PLEKHA6: variants seen among roughly 807,000 people sequenced by gnomAD.
The protein encoded by PLEKHA6 is pleckstrin homology domain containing A6.
PLEKHA6 carries 60 observed loss-of-function variants against 116.7 expected under a neutral mutation model. The observed-to-expected ratio is 0.51, with a 90% CI of 0.42 to 0.64. The LOEUF (loss-of-function observed/expected upper bound fraction) is 0.64, where lower values mean the gene tolerates loss of function less well. Among genes scored for constraint, PLEKHA6 ranks in the 30% least tolerant of loss-of-function variants. PLEKHA6 has a pLI of 0.00. For synonymous variants in PLEKHA6, 489 were observed against 556.1 expected, an observed-to-expected ratio of 0.88 and a Z score of 1.70; for missense variants, 1,338 against 1,422.7, an observed-to-expected ratio of 0.94 and a Z score of 0.96.
At chr1:204,256,102 G>T (rs1665250510) in intron 9 of PLEKHA6, among the ~76,000 whole-genome samples, 2 of 152,182 alleles carry the variant, frequency 1.3e-5, no homozygotes, top group South Asian at 4.1e-4. Context: ...ACAGAGAGGG[G>T]AAGGAGCAGC....
chr1:204,243,935 C>T (rs988278551), intron 15 of PLEKHA6, among the ~76,000 whole-genome samples: 2 of 152,250 alleles, frequency 1.3e-5, no homozygotes, highest in Non-Finnish European at 2.9e-5. Context: ...ATTCTCCTGG[C>T]TCAGCCTCCG....
intron 1 of PLEKHA6, among the ~76,000 whole-genome samples, chr1:204,373,244 A>G (rs895419750): frequency 2.0e-5 from 3 of 151,688 alleles, no homozygotes; most frequent in Non-Finnish European, 4.4e-5. Flanking sequence ...ATGCAACACC[A>G]CGCCTGGCTA....
chr1:204,239,758 GTTC>G (rs999211691), intron 17 of PLEKHA6, among the ~76,000 whole-genome samples: 2 of 152,172 alleles, frequency 1.3e-5, no homozygotes, highest in African/African-American at 4.8e-5. Flanking sequence ...CTGGTGCAAA[GTTC>G]TTCAGAAGGC....
At chr1:204,349,317 T>G (rs904751395) in intron 1 of PLEKHA6, among the ~76,000 whole-genome samples, 1 of 152,066 alleles carries the variant, frequency 6.6e-6, no homozygotes, top group African/African-American at 2.4e-5. Flanking sequence ...GGCGGGCGGA[T>G]CACTTGAGGT....
intron 1 of PLEKHA6, chr1:204,313,708 T>TA (rs1377538201): frequency 4.1e-6 from 4 of 985,296 alleles, no homozygotes; most frequent in Non-Finnish European, 3.6e-6. Flanking sequence ...ATTCTGCAGC[T>TA]AACCACCTTT....
chr1:204,322,526 A>G (rs1279545282), intron 1 of PLEKHA6, among the ~76,000 whole-genome samples: 1 of 152,204 alleles, frequency 6.6e-6, no homozygotes, highest in Non-Finnish European at 1.5e-5. Context: ...TGCCACCTTC[A>G]AAGTGCCATT....
At chr1:204,324,926 A>AT (rs1255635928) in intron 1 of PLEKHA6, among the ~76,000 whole-genome samples, 16 of 151,854 alleles carry the variant, frequency 1.1e-4, no homozygotes, top group African/African-American at 1.9e-4. Flanking sequence ...TTATTTATTT[A>AT]TTTATTTTTG....
intron 1 of PLEKHA6, among the ~76,000 whole-genome samples, chr1:204,298,625 C>T (rs1027887681): frequency 1.3e-5 from 2 of 152,122 alleles, no homozygotes; most frequent in Non-Finnish European, 2.9e-5. Context: ...ACTCTCTAGG[C>T]CAGACTCCCC....
At position 204,248,910 on chromosome 1, in the gene PLEKHA6, G is replaced by A. The variant is rs1664156433; in HGVS notation, c.1735C>T (p.Pro579Ser). The change falls in exon 12 of 23, where the codon CCC becomes TCC. Residue 579 changes from proline to serine, a missense_variant. By Grantham distance (74) the Pro-to-Ser change is moderately conservative. Around this residue, in one of 3 missense-constraint regions of PLEKHA6, gnomAD observed 1,136 missense variants for 1,163.6 expected, o/e 0.98. Transcript: ENST00000272203. Reference sequence around the variant, plus strand: ...TGTCGCAGCTTTTCTGGGTAGGCGGGCTGGCTTCCAAACATCTCCAGCTCC... The same window carrying A: ...TGTCGCAGCTTTTCTGGGTAGGCGGACTGGCTTCCAAACATCTCCAGCTCC... ...HQELEMFGSQPAYPEKLRHKK... is the reference protein window; with the variant it reads ...HQELEMFGSQSAYPEKLRHKK... 6.2e-7 allele frequency: 1 copy of A among 1,614,086 alleles called. No homozygotes were observed.
intron 3 of PLEKHA6, among the ~76,000 whole-genome samples, chr1:204,270,927 G>C (rs1667385466): frequency 6.6e-6 from 1 of 152,090 alleles, no homozygotes; most frequent in Non-Finnish European, 1.5e-5. Flanking sequence ...GTCTTCCCTT[G>C]GCCACTGTCA....
intron 1 of PLEKHA6, among the ~76,000 whole-genome samples, chr1:204,317,610 C>T (rs1011027575): frequency 1.3e-5 from 2 of 152,202 alleles, no homozygotes; most frequent in Non-Finnish European, 2.9e-5. Flanking sequence ...CAGAAGTTTT[C>T]CTCTAACTAC....
In PLEKHA6 at chr1:204,250,587, C is replaced by T. The variant is rs753978421; in HGVS notation, c.1552G>A (p.Asp518Asn). 5 of 1,613,070 alleles carry T rather than the reference C, an allele frequency of 3.1e-6. No individual in the cohort carries two copies. The South Asian group carries it at 4.4e-5, about 14-fold the overall frequency. ...KVPPYPEVFR[D>N]SLHTYKLNEQ... ...TTTAACTTGTAGGTGTGGAGGCTGT[C>T]CCGGAACACTTCTGGGTATGGAGGG... The change falls in exon 10 of 23, where the codon GAC becomes AAC. Residue 518 changes from aspartate (D) to asparagine (N), a missense_variant. Physicochemically the swap from Asp to Asn is conservative, Grantham distance 23. Around this residue, in one of 3 missense-constraint regions of PLEKHA6, gnomAD observed 1,136 missense variants for 1,163.6 expected, o/e 0.98. Transcript: ENST00000272203.
At position 204,338,483 on chromosome 1, in the gene PLEKHA6, G is replaced by A. The variant is rs181139127; in HGVS notation, c.-95+21211C>T. Among the ~76,000 whole-genome samples, 29 of 152,264 alleles carry A rather than the reference G, an allele frequency of 1.9e-4. No individual in the cohort carries two copies. The East Asian group carries it at 5.4e-3, about 28-fold the overall frequency. On this transcript the variant is annotated intron_variant, in intron 1 of 22. Coordinates refer to ENST00000272203, the MANE Select transcript of PLEKHA6 (RefSeq NM_014935.5). ...GCAGTCTCAAATGTGTGAAAAAGGGGAAAGCAGATGGAATTTATGGAAGCC... is the reference window on the plus strand; with the variant it reads ...GCAGTCTCAAATGTGTGAAAAAGGGAAAAGCAGATGGAATTTATGGAAGCC...
chr1:204,228,015 C>T lies in PLEKHA6; in HGVS notation c.3031+68G>A, dbSNP rs74319975. ...TACTGCCCCCCTTGTAGCAGTGCCA[C>T]GCTTCCTCCCTTAAACCTGGTCAGC... On this transcript the variant is annotated intron_variant, in intron 21 of 22. Transcript: ENST00000272203. The surrounding 1 kb of genome is among the most constrained non-coding windows in gnomAD (Gnocchi z 4.0). 2.6e-4 allele frequency: 402 copies of T among 1,518,190 alleles called. 2 individuals are homozygous for T. In the East Asian group the frequency reaches 6.9e-3, roughly 26 times the overall value. The allele number at this position is 1,518,190 out of a possible 1,614,324, so 94.0% of individuals were successfully genotyped here.
chr1:204,328,548 G>A (rs1342659759), intron 1 of PLEKHA6, among the ~76,000 whole-genome samples: 1 of 150,578 alleles, frequency 6.6e-6, no homozygotes, highest in Non-Finnish European at 1.5e-5. Flanking sequence ...CACCATGCCT[G>A]GCTAATTGTG....
chr1:204,259,353 G>A lies in PLEKHA6; in HGVS notation c.912C>T (p.Asn304=). Residue 304 remains asparagine (N), a synonymous_variant, in exon 8 of 23, where the codon AAC becomes AAT. Coordinates refer to ENST00000272203, the MANE Select transcript of PLEKHA6 (RefSeq NM_014935.5). This position sits in a 1 kb window ranked among gnomAD's most constrained non-coding sequence, Gnocchi z 4.6. ...TCTTGCGCTGGGCAATTTTGTCAGGGTTGGTGCGTGGTGGGAAACTCCGCC... is the reference window on the plus strand; with the variant it reads ...TCTTGCGCTGGGCAATTTTGTCAGGATTGGTGCGTGGTGGGAAACTCCGCC... ...GHRRSFPPRT[N]PDKIAQRKSS... The A allele has an allele frequency of 6.2e-7, 1 of 1,614,234 alleles. No homozygotes were observed. The highest frequency in any genetic ancestry group is 1.1e-5 in the South Asian group (1 of 91,090).
chr1:204,224,369 G>A (rs149146115), intron 21 of PLEKHA6, among the ~76,000 whole-genome samples: 125 of 151,898 alleles, frequency 8.2e-4, no homozygotes, highest in South Asian at 1.5e-3. Context: ...CACTGTAGCC[G>A]CGAGGCAGGA....
At chr1:204,350,907 A>T (rs1260973257) in intron 1 of PLEKHA6, among the ~76,000 whole-genome samples, 1 of 152,210 alleles carries the variant, frequency 6.6e-6, no homozygotes, top group Non-Finnish European at 1.5e-5. Context: ...TCCCAGTCCC[A>T]CGAGGGAGAG....
intron 1 of PLEKHA6, among the ~76,000 whole-genome samples, chr1:204,312,533 A>AC (rs1671692160): frequency 6.6e-6 from 1 of 152,008 alleles, no homozygotes; most frequent in African/African-American, 2.4e-5. Flanking sequence ...GATGCTCAGG[A>AC]CCCCATGAAG....
Sources: gnomAD v4.1 joint callset for allele counts (sites outside exome capture counted in the v4.1 genomes callset) on GRCh38, gnomAD v4.1.1 for gene constraint, gnomAD v4.1.1 regional missense constraint, Gnocchi (gnomAD v3.1) non-coding constraint, MANE v1.5 for transcripts, NCBI Gene and HGNC (gene_info 2026-07-23, HGNC 2026-07-21) for gene names.